Variants in DOCK4 observed in about 807,000 individuals in gnomAD.
DOCK4 encodes the protein dedicator of cytokinesis protein 4.
A neutral mutation model predicts 268.1 loss-of-function variants in DOCK4; 97 were observed. The ratio of observed to expected loss-of-function variants is 0.36; its 90% CI spans 0.31 to 0.43. The LOEUF (loss-of-function observed/expected upper bound fraction) is 0.43, where lower values mean the gene tolerates loss of function less well. Among genes scored for constraint, DOCK4 ranks in the 20% least tolerant of loss-of-function variants. The pLI, the probability that DOCK4 is intolerant of heterozygous loss-of-function variation, is 1.00. For synonymous variants in DOCK4, 954 were observed against 887.2 expected (o/e 1.08, Z -1.34); for missense variants, 2,145 against 2,455.7 (o/e 0.87, Z 2.67).
At chr7:111,910,030 A>T (rs1238681602) in intron 13 of DOCK4, among the ~76,000 whole-genome samples, 1 of 152,162 alleles carries the variant, frequency 6.6e-6, no homozygotes, top group Non-Finnish European at 1.5e-5. Context: ...ACTAAAAGTG[A>T]ATGCACTGAA....
intron 1 of DOCK4, among the ~76,000 whole-genome samples, chr7:112,146,951 A>G (rs1176712771): frequency 6.6e-6 from 1 of 152,182 alleles, no homozygotes; most frequent in Non-Finnish European, 1.5e-5. Context: ...ATTTAAGAGA[A>G]GACACTTTCT....
chr7:111,862,680 TG>T (rs1162352754), intron 23 of DOCK4, among the ~76,000 whole-genome samples: 1 of 151,760 alleles, frequency 6.6e-6, no homozygotes, highest in Non-Finnish European at 1.5e-5. Context: ...TTGGTAGAGA[TG>T]GGGTTTCACC....
chr7:112,162,959 T>C (rs1817267443), intron 1 of DOCK4, among the ~76,000 whole-genome samples: 1 of 152,222 alleles, frequency 6.6e-6, no homozygotes, highest in Admixed American at 6.5e-5. Flanking sequence ...TTCATTATAC[T>C]GTATGCAACG....
chr7:112,136,353 C>T lies in DOCK4; in HGVS notation c.37+69749G>A, dbSNP rs376029172. 5.3e-5 allele frequency among the ~76,000 whole-genome samples: 8 copies of T among 152,142 alleles called. 1 individual carries two copies. Among genetic ancestry groups the T allele is most frequent in the Admixed American group, 4.6e-4 (7 of 15,272 alleles). On this transcript the variant is annotated intron_variant, in intron 1 of 52. Coordinates refer to ENST00000428084, the MANE Select transcript of DOCK4 (RefSeq NM_001363540.2). The stretch of plus-strand genomic sequence containing the variant: ...GTAGCTTGTAAATCACTCAGCCTAA[C>T]ATCATGCCAGAATTCCCACTCCCAC...
intron 8 of DOCK4, among the ~76,000 whole-genome samples, chr7:111,955,469 G>C (rs75671944): frequency 1.3e-5 from 2 of 152,174 alleles, no homozygotes; most frequent in African/African-American, 4.8e-5. Flanking sequence ...TTTGGGTTTA[G>C]TTGAATGACA....
chr7:111,935,598 G>T lies in DOCK4; in HGVS notation c.1008C>A (p.Ile336=), dbSNP rs375328382. ...TCAGCTTTTTGATGATGTTCTCATGGATTTGGTACCACTCACTCTCTGTGT... is the reference window on the plus strand; with the variant it reads ...TCAGCTTTTTGATGATGTTCTCATGTATTTGGTACCACTCACTCTCTGTGT... The part of the protein sequence containing the change: ...MCNTESEWYQ[I]HENIIKKLNA... Residue 336 remains isoleucine (I), a synonymous_variant, in exon 12 of 53, where the codon ATC becomes ATA. Coordinates refer to ENST00000428084, the MANE Select transcript of DOCK4 (RefSeq NM_001363540.2). The T allele has an allele frequency of 6.4e-5, 103 of 1,613,888 alleles. No homozygotes were observed. The African/African-American group carries it at 1.4e-3, about 21-fold the overall frequency.
intron 1 of DOCK4, among the ~76,000 whole-genome samples, chr7:112,182,864 G>A (rs997098267): frequency 6.6e-6 from 1 of 152,198 alleles, no homozygotes; most frequent in Non-Finnish European, 1.5e-5. Context: ...TGTGCAACAG[G>A]GTGGCCACAG....
intron 1 of DOCK4, among the ~76,000 whole-genome samples, chr7:112,165,559 T>TGTGTGTGTGC (rs59052406): frequency 7.1e-4 from 106 of 148,252 alleles, no homozygotes; most frequent in Middle Eastern, 3.5e-3. Context: ...TGTGTGTGTG[T>TGTGTGTGTGC]GCGTGTGTGT....
At chr7:112,201,825 C>T (rs181951684) in intron 1 of DOCK4, among the ~76,000 whole-genome samples, 21 of 152,258 alleles carry the variant, frequency 1.4e-4, no homozygotes, top group Admixed American at 1.2e-3. Context: ...ACACTTTGAT[C>T]ATCATCTCCA....
chr7:112,048,817 T>C (rs752049646), intron 1 of DOCK4, among the ~76,000 whole-genome samples: 7 of 151,978 alleles, frequency 4.6e-5, no homozygotes, highest in Non-Finnish European at 1.0e-4. Flanking sequence ...GTGCAGGACA[T>C]GTAGGTTTGT....
intron 9 of DOCK4, 102 bp from the exon 10 acceptor site, chr7:111,944,973 A>G: frequency 1.1e-6 from 1 of 899,280 alleles, no homozygotes; most frequent in Non-Finnish European, 1.8e-6. Context: ...ATGGACACAG[A>G]CATTCTTAAT....
intron 1 of DOCK4, among the ~76,000 whole-genome samples, chr7:112,102,476 C>T (rs1810784637): frequency 6.6e-6 from 1 of 152,104 alleles, no homozygotes; most frequent in Non-Finnish European, 1.5e-5. Context: ...TGTTAAAATC[C>T]TAACCTCCAA....
chr7:111,753,294 G>A (rs187321223), intron 42 of DOCK4, among the ~76,000 whole-genome samples: 221 of 152,188 alleles, frequency 1.5e-3, no homozygotes, highest in African/African-American at 5.1e-3. Context: ...GAGCAACATC[G>A]TGACACCTCA....
chr7:111,830,197 G>C (rs1802708747), intron 26 of DOCK4, among the ~76,000 whole-genome samples: 2 of 152,226 alleles, frequency 1.3e-5, no homozygotes, highest in Admixed American at 1.3e-4. Context: ...GGAGGCTGAG[G>C]TGGACGGATC....
intron 44 of DOCK4, among the ~76,000 whole-genome samples, chr7:111,744,065 T>C (rs78814537): frequency 0.051 from 7,753 of 152,202 alleles, 250 homozygotes; most frequent in African/African-American, 0.074. Context: ...ATGATACTCC[T>C]ACCTCAACCT....
At chr7:111,813,777 A>G (rs891459807) in intron 27 of DOCK4, among the ~76,000 whole-genome samples, 2 of 152,196 alleles carry the variant, frequency 1.3e-5, no homozygotes, top group African/African-American at 4.8e-5. Context: ...ATCAATGATA[A>G]CTGAAGACAT....
intron 8 of DOCK4, among the ~76,000 whole-genome samples, chr7:111,963,045 C>T (rs1363782618): frequency 1.3e-5 from 2 of 152,142 alleles, no homozygotes; most frequent in Non-Finnish European, 1.5e-5. Context: ...GAATGCAATA[C>T]GTTAATAGAT....
chr7:112,084,995 G>C (rs1808942022), intron 1 of DOCK4, among the ~76,000 whole-genome samples: 2 of 152,032 alleles, frequency 1.3e-5, no homozygotes, highest in Non-Finnish European at 2.9e-5. Flanking sequence ...GGTCAAGCAG[G>C]AATTTGGAGC....
intron 36 of DOCK4, among the ~76,000 whole-genome samples, chr7:111,776,004 G>C (rs1798420472): frequency 6.6e-6 from 1 of 152,176 alleles, no homozygotes; most frequent in Admixed American, 6.5e-5. Context: ...TCATCTCCAA[G>C]GTGCACAAGT....
Sources: gnomAD v4.1 joint callset for allele counts (sites outside exome capture counted in the v4.1 genomes callset) on GRCh38, gnomAD v4.1.1 for gene constraint, MANE v1.5 for transcripts, NCBI Gene and HGNC (gene_info 2026-07-23, HGNC 2026-07-21) for gene names.